SEC62: variants seen among roughly 807,000 people sequenced by gnomAD.
The protein encoded by SEC62 is translocation protein SEC62.
SEC62 carries 10 observed loss-of-function variants against 47.5 expected under a neutral mutation model. The ratio of observed to expected loss-of-function variants is 0.21; its 90% CI spans 0.13 to 0.36. SEC62 has a LOEUF of 0.36. Among genes scored for constraint, SEC62 ranks in the 10% least tolerant of loss-of-function variants. The pLI is 1.00. For synonymous variants in SEC62, 136 were observed against 150.5 expected (o/e 0.90, Z 0.71); for missense variants, 327 against 464.1 (o/e 0.70, Z 2.71).
rs1414260448 is a variant in SEC62 at position 169,995,911 on chromosome 3, CA to C, written c.*2849del. On this transcript the variant is annotated 3_prime_UTR_variant, in exon 8 of 8. Coordinates refer to ENST00000337002, the MANE Select transcript of SEC62 (RefSeq NM_003262.4). ...ATGCCTGAATGAAGCTTATCTGACA[CA>C]TAAGCTTCATAAGGCACACAACAGC... The C allele has an allele frequency of 6.6e-6, 1 of 152,184 alleles. No individual in the cohort carries two copies. Among genetic ancestry groups the C allele is most frequent in the East Asian group, 1.9e-4 (1 of 5,196 alleles). The allele number at this position is 152,184 out of a possible 1,614,324, so 9.4% of individuals were successfully genotyped here.
intron 5 of SEC62, chr3:169,985,181 G>C (rs1715072470): frequency 6.6e-6 from 1 of 151,850 alleles, no homozygotes; most frequent in Admixed American, 6.6e-5. Context: ...TTACATTAGG[G>C]ACAAAAAGGT....
Position 169,993,234 on chromosome 3 carries a change from C to G in SEC62, c.*171C>G. The G allele has an allele frequency of 1.7e-6, 1 of 591,422 alleles. No individual in the cohort carries two copies. Among genetic ancestry groups the G allele is most frequent in the South Asian group, 2.2e-5 (1 of 44,994 alleles). 36.6% of individuals were successfully genotyped at this position (591,422 alleles called of 1,614,324 possible). A position where few individuals can be genotyped will look rare whatever the true frequency, so the allele number is the denominator to read the frequency against. ...TCCTTCATTTTATAGAATATTGGCA[C>G]TATTATTGGTACAGTTTAAAGCCAT... On this transcript the variant is annotated 3_prime_UTR_variant, in exon 8 of 8. Transcript: ENST00000337002.
chr3:169,978,573 A>G (rs1242773236), intron 3 of SEC62: 1 of 151,778 alleles, frequency 6.6e-6, no homozygotes, highest in East Asian at 1.9e-4. Flanking sequence ...TAAAAATACA[A>G]AAATTAGCCA....
At position 169,986,784 on chromosome 3, in the gene SEC62, A is replaced by G. The variant is rs184916908; in HGVS notation, c.610+919A>G. ...TTCCTGTCACCCAGGCTGGAATGCA[A>G]TGGCACAATCATGGCTCACTGCAGC... On this transcript the variant is annotated intron_variant, in intron 6 of 7. Transcript: ENST00000337002. Among the ~76,000 whole-genome samples, 136 of 152,222 alleles carry G rather than the reference A, an allele frequency of 8.9e-4. 1 individual carries two copies. Among genetic ancestry groups the G allele is most frequent in the African/African-American group, 3.3e-3 (136 of 41,544 alleles).
intron 7 of SEC62, among the ~76,000 whole-genome samples, chr3:169,989,120 G>T (rs935776713): frequency 2.0e-5 from 3 of 150,062 alleles, no homozygotes; most frequent in South Asian, 2.1e-4. Flanking sequence ...TAGAGGCAGG[G>T]TCTTGCTCTG....
rs909077116 is a variant in SEC62 at position 169,996,094 on chromosome 3, C to T, written c.*3031C>T. ...AAAGCTGGAACATGGCCTTGTTCAA[C>T]CTCAGCTCAGAATATGTGTACAGCA... On this transcript the variant is annotated 3_prime_UTR_variant, in exon 8 of 8. Coordinates refer to ENST00000337002, the MANE Select transcript of SEC62 (RefSeq NM_003262.4). The T allele has an allele frequency of 7.2e-5, 11 of 152,162 alleles. No individual in the cohort carries two copies. The highest frequency in any genetic ancestry group is 2.7e-4 in the African/African-American group (11 of 41,440). The allele number at this position is 152,162 out of a possible 1,614,324, so 9.4% of individuals were successfully genotyped here. A position where few individuals can be genotyped will look rare whatever the true frequency, so the allele number is the denominator to read the frequency against.
chr3:169,995,477 A>G lies in SEC62; in HGVS notation c.*2414A>G, dbSNP rs1005854653. The G allele has an allele frequency of 1.3e-5, 2 of 152,198 alleles. No homozygotes were observed. Among genetic ancestry groups the G allele is most frequent in the Non-Finnish European group, 2.9e-5 (2 of 68,024 alleles). The allele number at this position is 152,198 out of a possible 1,614,324, so 9.4% of individuals were successfully genotyped here. A position where few individuals can be genotyped will look rare whatever the true frequency, so the allele number is the denominator to read the frequency against. ...AATAATATAGATTTAGTTGAATACT[A>G]TTCAGGAAGTAATAAATTTTAATAT... On this transcript the variant is annotated 3_prime_UTR_variant, in exon 8 of 8. Transcript: ENST00000337002.
chr3:169,976,666 A>G (rs1714846205), intron 2 of SEC62, among the ~76,000 whole-genome samples: 1 of 152,176 alleles, frequency 6.6e-6, no homozygotes, highest in African/African-American at 2.4e-5. Flanking sequence ...ACATACAGAT[A>G]TTTTAAATTT....
At chr3:169,972,812 G>A (rs191718753) in intron 1 of SEC62, among the ~76,000 whole-genome samples, 3 of 152,260 alleles carry the variant, frequency 2.0e-5, no homozygotes, top group African/African-American at 4.8e-5. Context: ...GTAACAGAGT[G>A]TACATATCAT....
chr3:169,974,499 G>GA (rs1480046374), intron 1 of SEC62, among the ~76,000 whole-genome samples: 1 of 152,192 alleles, frequency 6.6e-6, no homozygotes, highest in Non-Finnish European at 1.5e-5. Context: ...ATAAAGGGAA[G>GA]ATGGGGAATG....
At chr3:169,990,484 T>C (rs894050207) in intron 7 of SEC62, among the ~76,000 whole-genome samples, 17 of 152,164 alleles carry the variant, frequency 1.1e-4, no homozygotes, top group Non-Finnish European at 2.2e-4. Flanking sequence ...TAGTGCCACA[T>C]AGCGAAAAAC....
rs1715266661 is a variant in SEC62, at chr3:169,992,306, A to G, written c.731-288A>G. Among the ~76,000 whole-genome samples the G allele has an allele frequency of 6.6e-6, 1 of 152,126 alleles. No homozygotes were observed. Among genetic ancestry groups the G allele is most frequent in the South Asian group, 2.1e-4 (1 of 4,828 alleles). ...CAGAGCAACATTCTGTGCCCCTAGA[A>G]TACCGTGATAGCTGCTAAACTAGTC... On this transcript the variant is annotated intron_variant, in intron 7 of 7. Coordinates refer to ENST00000337002, the MANE Select transcript of SEC62 (RefSeq NM_003262.4). This position sits in a 1 kb window ranked among gnomAD's most constrained non-coding sequence, Gnocchi z 4.0.
rs796670817 is a variant in SEC62 at position 169,992,508 on chromosome 3, A to G, written c.731-86A>G. The G allele has an allele frequency of 8.9e-6, 8 of 894,504 alleles. No homozygotes were observed. In the African/African-American group the frequency reaches 1.3e-4, roughly 15 times the overall value. The allele number at this position is 894,504 out of a possible 1,614,324, so 55.4% of individuals were successfully genotyped here. A position where few individuals can be genotyped will look rare whatever the true frequency, so the allele number is the denominator to read the frequency against. ...GTGTATGAAATGTGCAGATAATAAAACTGTTTTCCCAGCTTTTTATTAACA... is the reference window on the plus strand; with the variant it reads ...GTGTATGAAATGTGCAGATAATAAAGCTGTTTTCCCAGCTTTTTATTAACA... On this transcript the variant is annotated intron_variant, in intron 7 of 7. Coordinates refer to ENST00000337002, the MANE Select transcript of SEC62 (RefSeq NM_003262.4). The surrounding 1 kb of genome is among the most constrained non-coding windows in gnomAD (Gnocchi z 4.0).
intron 1 of SEC62, among the ~76,000 whole-genome samples, chr3:169,967,497 G>A (rs913726956): frequency 6.6e-6 from 1 of 152,164 alleles, no homozygotes; most frequent in Non-Finnish European, 1.5e-5. Flanking sequence ...GGGCGACGTG[G>A]TGTAAACAAC....
chr3:169,979,540 C>G (rs1422913000), intron 3 of SEC62, among the ~76,000 whole-genome samples: 2 of 152,204 alleles, frequency 1.3e-5, no homozygotes, highest in East Asian at 3.9e-4. Context: ...ATGTCGTCCT[C>G]AGTCTTGTGC....
intron 1 of SEC62, among the ~76,000 whole-genome samples, chr3:169,972,831 A>G (rs140345917): frequency 6.6e-6 from 1 of 152,176 alleles, no homozygotes; most frequent in Admixed American, 6.5e-5. Flanking sequence ...ATGCCTTACA[A>G]ATCTTTGCTG....
At chr3:169,975,525 A>G in intron 1 of SEC62, 83 bp from the exon 2 acceptor site, 6 of 927,044 alleles carry the variant, frequency 6.5e-6, no homozygotes, top group Non-Finnish European at 6.8e-6. Context: ...GAAAAGATTC[A>G]TAAAATAGAT....
Position 169,977,161 on chromosome 3 carries a change from C to T in SEC62, c.251+110C>T, listed in dbSNP as rs193269793. The stretch of plus-strand genomic sequence containing the variant: ...GTGATACTACAACATAACTCAAATA[C>T]TGTTTTCACATGTAACCTGATTTCT... On this transcript the variant is annotated intron_variant, in intron 3 of 7. Transcript: ENST00000337002. The T allele has an allele frequency of 3.6e-4, 219 of 615,790 alleles. 1 individual carries two copies. In the African/African-American group the frequency reaches 3.8e-3, roughly 11 times the overall value. 38.1% of individuals were successfully genotyped at this position (615,790 alleles called of 1,614,324 possible). A position where few individuals can be genotyped will look rare whatever the true frequency, so the allele number is the denominator to read the frequency against.
Position 169,995,284 on chromosome 3 carries a change from T to C in SEC62, c.*2221T>C, listed in dbSNP as rs540087208. On this transcript the variant is annotated 3_prime_UTR_variant, in exon 8 of 8. Coordinates refer to ENST00000337002, the MANE Select transcript of SEC62 (RefSeq NM_003262.4). ...TAGGGCTTATTGTAGAGGGTATCAA[T>C]TGGCCTAACTAAGCAGGATTGAATT... is the stretch of plus-strand genomic sequence containing the variant. 5.3e-5 allele frequency: 8 copies of C among 152,258 alleles called. No individual in the cohort carries two copies. The East Asian group carries it at 1.5e-3, about 29-fold the overall frequency. 9.4% of individuals were successfully genotyped at this position (152,258 alleles called of 1,614,324 possible). A position where few individuals can be genotyped will look rare whatever the true frequency, so the allele number is the denominator to read the frequency against.
Sources: allele counts gnomAD v4.1 joint callset (sites outside exome capture counted in the v4.1 genomes callset), GRCh38; gene constraint gnomAD v4.1.1; non-coding constraint Gnocchi (gnomAD v3.1); transcripts MANE v1.5; gene names NCBI Gene and HGNC (gene_info 2026-07-23, HGNC 2026-07-21).